TAPT1: variants seen among roughly 807,000 people sequenced by gnomAD.
TAPT1 encodes the protein transmembrane anterior posterior transformation protein 1 homolog.
In TAPT1, 28 loss-of-function variants were observed where a neutral mutation model predicts 65.6. That is an observed-to-expected ratio of 0.43 (90% confidence interval 0.32 to 0.59). The LOEUF (loss-of-function observed/expected upper bound fraction) is 0.59. Among genes scored for constraint, TAPT1 ranks in the 20% least tolerant of loss-of-function variants. TAPT1 has a pLI of 0.09. For missense variants in TAPT1, 563 were observed against 679.9 expected, an observed-to-expected ratio of 0.83 and a Z score of 1.91; for synonymous variants, 278 against 245.2, an observed-to-expected ratio of 1.13 and a Z score of -1.25.
chr4:16,184,191 CAACA>C (rs988289103), intron 7 of TAPT1, among the ~76,000 whole-genome samples: 19 of 152,234 alleles, frequency 1.2e-4, no homozygotes, highest in East Asian at 7.7e-4. Context: ...TCCAAATGCC[CAACA>C]AACAACCTCT....
chr4:16,221,756 A>G (rs1751269182), intron 1 of TAPT1, among the ~76,000 whole-genome samples: 1 of 152,238 alleles, frequency 6.6e-6, no homozygotes, highest in South Asian at 2.1e-4. Flanking sequence ...GCATATCTCC[A>G]TAGTCTTAAA....
chr4:16,225,958 C>A (rs1372672951), intron 1 of TAPT1: 6 of 992,200 alleles, frequency 6.0e-6, no homozygotes, highest in South Asian at 4.7e-5. Flanking sequence ...TAACCTAAGA[C>A]CTTCCGAGGG....
rs780216458 is a variant in TAPT1, at chr4:16,163,412, C to T, written c.1600G>A (p.Glu534Lys). The change falls in exon 14 of 14, where the codon GAG (glutamate) becomes AAG (lysine). Residue 534 changes from glutamate to lysine, a missense_variant. Transcript: ENST00000405303. ...DQFLTTPDGD[E>K]KDITQDNSEL... ...GAATTGTCCTGCGTTATGTCCTTCT[C>T]GTCACCATCTGGAGTTGTCAAAAAC... is the stretch of plus-strand genomic sequence containing the variant. The T allele has an allele frequency of 3.5e-5, 56 of 1,613,790 alleles. No individual in the cohort carries two copies. The highest frequency in any genetic ancestry group is 4.6e-5 in the Non-Finnish European group (54 of 1,179,862).
At chr4:16,217,081 C>T (rs939292648) in intron 1 of TAPT1, among the ~76,000 whole-genome samples, 5 of 152,154 alleles carry the variant, frequency 3.3e-5, no homozygotes, top group African/African-American at 1.2e-4. Context: ...GAATCCCCTA[C>T]CAATTTTCCA....
chr4:16,178,962 A>C (rs1748530543), intron 8 of TAPT1: 1 of 152,260 alleles, frequency 6.6e-6, no homozygotes, highest in South Asian at 2.1e-4. Context: ...GCTGCCAGGC[A>C]TAACAGGGCG....
At chr4:16,168,438 C>A (rs1371759756) in intron 12 of TAPT1, among the ~76,000 whole-genome samples, 1 of 152,168 alleles carries the variant, frequency 6.6e-6, no homozygotes, top group East Asian at 1.9e-4. Flanking sequence ...GTCTCCCGTC[C>A]CCGGGCCCTC....
At chr4:16,181,458 T>C (rs1313187886) in intron 7 of TAPT1, among the ~76,000 whole-genome samples, 1 of 152,226 alleles carries the variant, frequency 6.6e-6, no homozygotes, top group African/African-American at 2.4e-5. Context: ...TTAATTGTAT[T>C]TGATTTTTGG....
At chr4:16,186,947 G>T in intron 5 of TAPT1, 69 bp from the exon 6 acceptor site, 1 of 828,114 alleles carries the variant, frequency 1.2e-6, no homozygotes, top group Non-Finnish European at 2.0e-6. Context: ...ATAAAATTTT[G>T]AAAGTGAATA....
intron 13 of TAPT1, among the ~76,000 whole-genome samples, chr4:16,165,889 A>T (rs1346251631): frequency 2.0e-5 from 3 of 151,858 alleles, no homozygotes; most frequent in Non-Finnish European, 2.9e-5. Flanking sequence ...ACCCCTCTGG[A>T]GTTTATTTTC....
chr4:16,179,350 C>A, intron 8 of TAPT1: 1 of 413,484 alleles, frequency 2.4e-6, no homozygotes, highest in Admixed American at 4.5e-5. Flanking sequence ...GACCAGGTGA[C>A]AGGAATTTTT....
At position 16,170,714 on chromosome 4, in the gene TAPT1, T is replaced by A. The variant is rs758279791; in HGVS notation, c.1252A>T (p.Thr418Ser). The part of the protein sequence containing the change: ...PLAVLLIRVV[T>S]SSIKVQGILS... Reference sequence around the variant, plus strand: ...ATTCCTTGCACTTTAATTGAGCTTGTTACAACTCTGATGAGCTAGCCAGAA... The same window carrying A: ...ATTCCTTGCACTTTAATTGAGCTTGATACAACTCTGATGAGCTAGCCAGAA... The change falls in exon 12 of 14, where the codon ACA becomes TCA. Residue 418 changes from threonine (T) to serine (S), a missense_variant. By Grantham distance (58) the Thr-to-Ser change is moderately conservative. Around this residue, in one of 5 missense-constraint regions of TAPT1, gnomAD observed 104 missense variants for 102.5 expected, o/e 1.01. Transcript: ENST00000405303. 15 of 1,613,508 alleles carry A rather than the reference T, an allele frequency of 9.3e-6. No individual in the cohort carries two copies. In the Admixed American group the frequency reaches 2.5e-4, roughly 27 times the overall value.
At chr4:16,225,815 G>A (rs1220932233) in intron 1 of TAPT1, 2 of 903,156 alleles carry the variant, frequency 2.2e-6, no homozygotes, top group East Asian at 1.2e-4. Flanking sequence ...TACTTGCAGG[G>A]CAAGTTAACA....
intron 2 of TAPT1, among the ~76,000 whole-genome samples, chr4:16,211,866 A>G (rs1039590904): frequency 6.6e-6 from 1 of 152,250 alleles, no homozygotes; most frequent in Admixed American, 6.5e-5. Context: ...TCACTGGTTT[A>G]TACTTTAGTC....
intron 3 of TAPT1, among the ~76,000 whole-genome samples, chr4:16,193,043 T>A (rs182781268): frequency 2.8e-4 from 42 of 152,378 alleles, no homozygotes; most frequent in African/African-American, 8.7e-4. Context: ...ACCAATTCTG[T>A]GAGCAGTTGT....
intron 2 of TAPT1, among the ~76,000 whole-genome samples, chr4:16,209,695 T>C (rs555756443): frequency 6.6e-6 from 1 of 152,250 alleles, no homozygotes; most frequent in Admixed American, 6.5e-5. Context: ...GAGAGATCTG[T>C]CTGGAAGTCA....
intron 8 of TAPT1, among the ~76,000 whole-genome samples, chr4:16,177,066 GA>G (rs1243852096): frequency 6.6e-6 from 1 of 152,136 alleles, no homozygotes; most frequent in Non-Finnish European, 1.5e-5. Context: ...AAGACCTAGT[GA>G]TAGATAGATA....
intron 12 of TAPT1, among the ~76,000 whole-genome samples, chr4:16,169,859 A>C (rs1477155090): frequency 6.6e-6 from 1 of 152,186 alleles, no homozygotes. Context: ...TGGAACTCTA[A>C]GCCAATCCAC....
intron 11 of TAPT1, among the ~76,000 whole-genome samples, chr4:16,171,642 T>C (rs533290692): frequency 7.9e-5 from 12 of 152,284 alleles, no homozygotes; most frequent in Non-Finnish European, 1.5e-4. Context: ...TTGTCATATG[T>C]TCAATAAACT....
chr4:16,177,849 T>TA (rs1490919996), intron 8 of TAPT1, among the ~76,000 whole-genome samples: 1 of 151,406 alleles, frequency 6.6e-6, no homozygotes, highest in East Asian at 1.9e-4. Flanking sequence ...TTAATAAACC[T>TA]AAAAAAAGAG....
Sources: allele counts gnomAD v4.1 joint callset (sites outside exome capture counted in the v4.1 genomes callset), GRCh38; gene constraint gnomAD v4.1.1; regional missense constraint gnomAD v4.1.1; transcripts MANE v1.5; gene names NCBI Gene and HGNC (gene_info 2026-07-23, HGNC 2026-07-21).